CREB3L2: variants seen among roughly 807,000 people sequenced by gnomAD.
The protein encoded by CREB3L2 is cyclic AMP-responsive element-binding protein 3-like protein 2.
CREB3L2 carries 23 observed loss-of-function variants against 57.2 expected under a neutral mutation model. The ratio of observed to expected loss-of-function variants is 0.40; its 90% CI spans 0.29 to 0.57. The LOEUF (loss-of-function observed/expected upper bound fraction) is 0.57, where lower values mean the gene tolerates loss of function less well. CREB3L2 is among the 20% of genes least tolerant of loss of function. The pLI is 0.42. For missense variants in CREB3L2, 628 were observed against 634.7 expected, an observed-to-expected ratio of 0.99 and a Z score of 0.11; for synonymous variants, 268 against 265.1, an observed-to-expected ratio of 1.01 and a Z score of -0.11.
intron 8 of CREB3L2, among the ~76,000 whole-genome samples, chr7:137,886,620 T>C (rs2117178682): frequency 6.6e-6 from 1 of 152,084 alleles, no homozygotes; most frequent in Non-Finnish European, 1.5e-5. Flanking sequence ...AGAACAAAGA[T>C]GCCTGCTCAA....
intron 1 of CREB3L2, among the ~76,000 whole-genome samples, chr7:137,974,852 G>A (rs1272964069): frequency 6.6e-6 from 1 of 152,194 alleles, no homozygotes; most frequent in Non-Finnish European, 1.5e-5. Flanking sequence ...TAGAGCCTGT[G>A]AAAGGTGAGG....
Position 137,980,276 on chromosome 7 carries a change from A to G in CREB3L2, c.102+21328T>C, listed in dbSNP as rs1436130102. On this transcript the variant is annotated intron_variant, in intron 1 of 11. Coordinates refer to ENST00000330387, the MANE Select transcript of CREB3L2 (RefSeq NM_194071.4). The surrounding 1 kb of genome is among the most constrained non-coding windows in gnomAD (Gnocchi z 4.3). The stretch of plus-strand genomic sequence containing the variant: ...CAGGCCTCATCCCAGAACCAATTAA[A>G]TCAGAATCTCTTGGGCTGGGACCCA... Among the ~76,000 whole-genome samples, 2 of 152,188 alleles carry G rather than the reference A, an allele frequency of 1.3e-5. No individual in the cohort carries two copies. Among genetic ancestry groups the G allele is most frequent in the Non-Finnish European group, 2.9e-5 (2 of 68,024 alleles).
In CREB3L2 at chr7:137,878,498, A is replaced by G. The variant is rs1799207646; in HGVS notation, c.*1978T>C. ...GGTTACCAGACACCAGCCAGGCCCA[A>G]CAGGATCTGGGCTGCAGACAGTGGA... On this transcript the variant is annotated 3_prime_UTR_variant, in exon 12 of 12. Transcript: ENST00000330387. The G allele has an allele frequency of 4.3e-6, 1 of 233,592 alleles. No homozygotes were observed. 14.5% of individuals were successfully genotyped at this position (233,592 alleles called of 1,614,324 possible).
chr7:137,969,791 C>CATACACAT lies in CREB3L2; in HGVS notation c.102+31812_102+31813insATGTGTAT, dbSNP rs1554503239. ...ACACACACACACACACACACACACA[C>CATACACAT]ACAACATACACATACGCAGAAAGAC... On this transcript the variant is annotated intron_variant, in intron 1 of 11. Transcript: ENST00000330387. Among the ~76,000 whole-genome samples, 717 of 148,640 alleles carry CATACACAT rather than the reference C, an allele frequency of 4.8e-3. 3 individuals carry two copies. The highest frequency in any genetic ancestry group is 6.7e-3 in the Non-Finnish European group (447 of 66,978).
intron 1 of CREB3L2, among the ~76,000 whole-genome samples, chr7:137,988,960 AAAGG>A (rs916915914): frequency 8.6e-5 from 13 of 151,620 alleles, no homozygotes; most frequent in African/African-American, 2.4e-4. Flanking sequence ...GGAAGGAAAA[AAAGG>A]AAGGAAGGGA....
chr7:137,960,809 CTTTTTTTTTTT>C (rs66493086), intron 1 of CREB3L2, among the ~76,000 whole-genome samples: 2 of 95,574 alleles, frequency 2.1e-5, no homozygotes, highest in African/African-American at 8.6e-5. Flanking sequence ...TAAATTATTT[CTTTTTTTTTTT>C]TTTTTTTTTT....
At chr7:137,928,391 C>T (rs768880312) in intron 1 of CREB3L2, 25 bp from the exon 2 acceptor site, 1 of 1,584,136 alleles carries the variant, frequency 6.3e-7, no homozygotes, top group Non-Finnish European at 8.7e-7. Flanking sequence ...GGAGGAAGAA[C>T]TCAGTTTCTC....
chr7:137,976,796 G>A (rs938072691), intron 1 of CREB3L2, among the ~76,000 whole-genome samples: 3 of 152,214 alleles, frequency 2.0e-5, no homozygotes, highest in Non-Finnish European at 4.4e-5. Context: ...TAATTCAAAT[G>A]TGCAACCAAA....
At chr7:137,927,359 A>T (rs1800493042) in intron 2 of CREB3L2, among the ~76,000 whole-genome samples, 1 of 146,784 alleles carries the variant, frequency 6.8e-6, no homozygotes, top group South Asian at 2.2e-4. Context: ...GGAGAGAGAA[A>T]AAGAAGAAAG....
At chr7:137,888,017 AC>A (rs1013352100) in intron 8 of CREB3L2, among the ~76,000 whole-genome samples, 6 of 152,252 alleles carry the variant, frequency 3.9e-5, no homozygotes, top group Admixed American at 3.3e-4. Flanking sequence ...CAGTGGTGTG[AC>A]CACAGCTCAC....
At position 138,001,642 on chromosome 7, in the gene CREB3L2, ACAG is replaced by A. The variant is rs778193738; in HGVS notation, c.61_63del (p.Leu21del). ...AGGGCCTCGCCGTCCCCGGGCTCTG[ACAG>A]CTCGCTCAGCTTGCGGTCCCACTGC... On this transcript the variant is annotated inframe_deletion, in exon 1 of 12. Transcript: ENST00000330387. This position sits in a 1 kb window ranked among gnomAD's most constrained non-coding sequence, Gnocchi z 4.2. The A allele has an allele frequency of 6.2e-7, 1 of 1,613,288 alleles. No individual in the cohort carries two copies. Among genetic ancestry groups the A allele is most frequent in the East Asian group, 2.2e-5 (1 of 44,842 alleles).
At chr7:137,912,097 C>G (rs1267706028) in intron 4 of CREB3L2, among the ~76,000 whole-genome samples, 1 of 152,060 alleles carries the variant, frequency 6.6e-6, no homozygotes, top group Admixed American at 6.6e-5. Context: ...ACAACCTTGG[C>G]CAGGCGTGGT....
chr7:137,943,294 G>A (rs1358166044), intron 1 of CREB3L2, among the ~76,000 whole-genome samples: 1 of 152,102 alleles, frequency 6.6e-6, no homozygotes, highest in Non-Finnish European at 1.5e-5. Flanking sequence ...CTGAGTCAAT[G>A]TTCCCTGCAA....
intron 1 of CREB3L2, among the ~76,000 whole-genome samples, chr7:137,993,393 G>A (rs984247922): frequency 3.9e-5 from 6 of 151,974 alleles, no homozygotes; most frequent in Admixed American, 6.6e-5. Flanking sequence ...ATCACCCCAC[G>A]CCCACCTTGT....
In CREB3L2 at chr7:137,880,549, A is replaced by G; in HGVS notation, c.1490T>C (p.Val497Ala). The G allele has an allele frequency of 6.2e-7, 1 of 1,613,226 alleles. No homozygotes were observed. The highest frequency in any genetic ancestry group is 8.5e-7 in the Non-Finnish European group (1 of 1,179,342). ...SVLLELQQHL[V>A]SAKLEGNETL... is the part of the protein sequence containing the mutation. ...TTCATTCCCCTCCAGTTTGGCGCTGACCCTGTGAAGGCATTAAAAGGAAAA... is the reference window on the plus strand; with the variant it reads ...TTCATTCCCCTCCAGTTTGGCGCTGGCCCTGTGAAGGCATTAAAAGGAAAA... The change falls in exon 12 of 12, where the codon GTC (valine) becomes GCC (alanine). Residue 497 changes from valine (V) to alanine (A), a missense_variant and splice_region_variant. This residue lies in a region of CREB3L2 where 272 missense variants were observed against 242.7 expected (regional missense o/e 1.12). Coordinates refer to ENST00000330387, the MANE Select transcript of CREB3L2 (RefSeq NM_194071.4). The surrounding 1 kb of genome is among the most constrained non-coding windows in gnomAD (Gnocchi z 4.0).
At chr7:137,978,630 C>A (rs895479302) in intron 1 of CREB3L2, among the ~76,000 whole-genome samples, 1 of 152,160 alleles carries the variant, frequency 6.6e-6, no homozygotes, top group East Asian at 1.9e-4. Context: ...GAACGTAAGA[C>A]ACTGGTCAGG....
At chr7:137,952,404 C>A (rs187653050) in intron 1 of CREB3L2, among the ~76,000 whole-genome samples, 4 of 152,304 alleles carry the variant, frequency 2.6e-5, no homozygotes, top group African/African-American at 9.6e-5. Flanking sequence ...ATATCCCCGC[C>A]CAGCCCTCAG....
At chr7:137,997,852 C>T (rs995994550) in intron 1 of CREB3L2, among the ~76,000 whole-genome samples, 2 of 152,094 alleles carry the variant, frequency 1.3e-5, no homozygotes, top group African/African-American at 4.8e-5. Flanking sequence ...AACATACAGG[C>T]AGGTCTGGGG....
chr7:137,941,752 T>C (rs1395697405), intron 1 of CREB3L2, among the ~76,000 whole-genome samples: 5 of 152,138 alleles, frequency 3.3e-5, no homozygotes, highest in Non-Finnish European at 7.4e-5. Context: ...AGAAGCAGAG[T>C]TTGATGTTTC....
Sources: allele counts gnomAD v4.1 joint callset (sites outside exome capture counted in the v4.1 genomes callset), GRCh38; gene constraint gnomAD v4.1.1; regional missense constraint gnomAD v4.1.1; non-coding constraint Gnocchi (gnomAD v3.1); transcripts MANE v1.5; gene names NCBI Gene and HGNC (gene_info 2026-07-23, HGNC 2026-07-21).